Variants in DCBLD2 observed in about 807,000 individuals in gnomAD.
DCBLD2 encodes discoidin, CUB and LCCL domain containing 2.
A neutral mutation model predicts 86.8 loss-of-function variants in DCBLD2; 54 were observed. That is an observed-to-expected ratio of 0.62 (90% CI 0.50 to 0.78). DCBLD2 has a LOEUF of 0.78. Among genes scored for constraint, DCBLD2 ranks in the 30% least tolerant of loss-of-function variants. The pLI is 0.00. For missense variants in DCBLD2, 908 were observed against 954.2 expected, an observed-to-expected ratio of 0.95 and a Z score of 0.64; for synonymous variants, 354 against 341.3, an observed-to-expected ratio of 1.04 and a Z score of -0.41.
intron 1 of DCBLD2, among the ~76,000 whole-genome samples, chr3:98,884,733 C>CTTA (rs1482504524): frequency 1.3e-5 from 2 of 152,030 alleles, no homozygotes; most frequent in African/African-American, 4.8e-5. Context: ...AATGCACGTT[C>CTTA]TTTAGTAAAT....
chr3:98,859,234 G>A (rs1376963082), intron 2 of DCBLD2, among the ~76,000 whole-genome samples: 3 of 152,168 alleles, frequency 2.0e-5, no homozygotes, highest in East Asian at 3.9e-4. Context: ...CAGGAAGCTC[G>A]AACTGGGTGG....
intron 2 of DCBLD2, among the ~76,000 whole-genome samples, chr3:98,855,287 A>G (rs1942910939): frequency 1.3e-5 from 2 of 152,216 alleles, no homozygotes; most frequent in African/African-American, 4.8e-5. Context: ...TATGTATAAC[A>G]TGCCATCAGT....
Position 98,802,403 on chromosome 3 carries a change from G to GT in DCBLD2, c.1671-755dup, listed in dbSNP as rs943583413. ...CTTTCGCCCACTTGTTGATGGGGTT[G>GT]TTTTTTTTTCTTGTAAATTTGTTTG... On this transcript the variant is annotated intron_variant, in intron 13 of 15. Coordinates refer to ENST00000326840, the MANE Select transcript of DCBLD2 (RefSeq NM_080927.4). Among the ~76,000 whole-genome samples, 50 of 150,810 alleles carry GT rather than the reference G, an allele frequency of 3.3e-4. No individual in the cohort carries two copies. In the South Asian group the frequency reaches 6.9e-3, roughly 21 times the overall value.
chr3:98,806,787 G>A (rs984492543), intron 13 of DCBLD2, among the ~76,000 whole-genome samples: 2 of 152,064 alleles, frequency 1.3e-5, no homozygotes, highest in Non-Finnish European at 2.9e-5. Context: ...ACCTCTACTG[G>A]TCTAACTGCA....
At chr3:98,896,751 A>G (rs1576209868) in intron 1 of DCBLD2, among the ~76,000 whole-genome samples, 1 of 152,206 alleles carries the variant, frequency 6.6e-6, no homozygotes, top group Non-Finnish European at 1.5e-5. Flanking sequence ...TATAAAGAAA[A>G]CCGAATCCAG....
intron 2 of DCBLD2, among the ~76,000 whole-genome samples, chr3:98,872,936 A>C (rs1943305214): frequency 6.6e-6 from 1 of 152,134 alleles, no homozygotes; most frequent in African/African-American, 2.4e-5. Context: ...TTGGCTCATA[A>C]AGACCCAAAA....
chr3:98,892,149 C>A (rs1231600702), intron 1 of DCBLD2, among the ~76,000 whole-genome samples: 2 of 152,052 alleles, frequency 1.3e-5, no homozygotes, highest in African/African-American at 4.8e-5. Flanking sequence ...TCTAGACATG[C>A]CAGTTTTCAA....
At chr3:98,886,088 G>A (rs1187569957) in intron 1 of DCBLD2, among the ~76,000 whole-genome samples, 2 of 151,860 alleles carry the variant, frequency 1.3e-5, no homozygotes, top group African/African-American at 4.8e-5. Flanking sequence ...GGCCCAAAGG[G>A]TAATGCTGTT....
At chr3:98,850,482 A>G (rs574095009) in intron 2 of DCBLD2, among the ~76,000 whole-genome samples, 19 of 152,370 alleles carry the variant, frequency 1.2e-4, no homozygotes, top group Middle Eastern at 3.4e-3. Flanking sequence ...TATATAAAAA[A>G]TAACATATCC....
chr3:98,852,324 G>A (rs2107487576), intron 2 of DCBLD2, among the ~76,000 whole-genome samples: 1 of 151,124 alleles, frequency 6.6e-6, no homozygotes, highest in East Asian at 2.0e-4. Context: ...TTGGCTCACT[G>A]CAACCTCTGC....
intron 1 of DCBLD2, among the ~76,000 whole-genome samples, chr3:98,891,302 G>A (rs536130490): frequency 6.6e-6 from 1 of 151,700 alleles, no homozygotes; most frequent in East Asian, 1.9e-4. Context: ...TGAGAGAAGT[G>A]GAATGCAGGA....
At chr3:98,817,347 AT>A (rs1942040741) in intron 9 of DCBLD2, among the ~76,000 whole-genome samples, 1 of 152,190 alleles carries the variant, frequency 6.6e-6, no homozygotes, top group Admixed American at 6.5e-5. Flanking sequence ...CATCTCTAAT[AT>A]CCTATAATTT....
At position 98,901,342 on chromosome 3, in the gene DCBLD2, T is replaced by C. The variant is rs984512386; in HGVS notation, c.-16A>G. ...GGCTCGCCATCGCGGCGGCCGGCAGTCTGCCTGCATAGTGCGGGTGCCTCG... is the reference window on the plus strand; with the variant it reads ...GGCTCGCCATCGCGGCGGCCGGCAGCCTGCCTGCATAGTGCGGGTGCCTCG... On this transcript the variant is annotated 5_prime_UTR_variant, in exon 1 of 16. Coordinates refer to ENST00000326840, the MANE Select transcript of DCBLD2 (RefSeq NM_080927.4). The C allele has an allele frequency of 7.2e-7, 1 of 1,386,472 alleles. No individual in the cohort carries two copies. The highest frequency in any genetic ancestry group is 1.7e-5 in the South Asian group (1 of 59,582). The allele number at this position is 1,386,472 out of a possible 1,614,324, so 85.9% of individuals were successfully genotyped here. A position where few individuals can be genotyped will look rare whatever the true frequency, so the allele number is the denominator to read the frequency against.
In DCBLD2 at chr3:98,799,825, C is replaced by T. The variant is rs374199864; in HGVS notation, c.1875G>A (p.Leu625=). 35 of 1,611,202 alleles carry T rather than the reference C, an allele frequency of 2.2e-5. No homozygotes were observed. The highest frequency in any genetic ancestry group is 1.7e-4 in the Middle Eastern group (1 of 6,058). ...GAAGTGTACCAACAATTCCTCCTAC[C>T]AGTGGCTGAGCATACTCTGTGGATA... ...QADSAEYAQP[L]VGGIVGTLHQ... Residue 625 remains leucine (L), a synonymous_variant, in exon 16 of 16, where the codon CTG becomes CTA. Coordinates refer to ENST00000326840, the MANE Select transcript of DCBLD2 (RefSeq NM_080927.4).
At chr3:98,827,631 G>A (rs372230654) in intron 3 of DCBLD2, among the ~76,000 whole-genome samples, 2 of 152,318 alleles carry the variant, frequency 1.3e-5, no homozygotes, top group East Asian at 1.9e-4. Flanking sequence ...GCTACAAGGA[G>A]AGCCAAGAAG....
chr3:98,894,491 A>G (rs1943716376), intron 1 of DCBLD2, among the ~76,000 whole-genome samples: 1 of 152,198 alleles, frequency 6.6e-6, no homozygotes. Context: ...AGGATGACCC[A>G]TCTGAGGGGA....
intron 9 of DCBLD2, 166 bp from the exon 10 acceptor site, chr3:98,812,648 T>A: frequency 1.9e-6 from 1 of 530,752 alleles, no homozygotes. Flanking sequence ...TGGAAAAATA[T>A]TAAGATGCTG....
intron 12 of DCBLD2, 127 bp from the exon 13 acceptor site, chr3:98,808,301 A>G: frequency 5.1e-6 from 4 of 788,952 alleles, no homozygotes; most frequent in Non-Finnish European, 7.6e-6. Flanking sequence ...CATAAACATT[A>G]TTTGTCAAGA....
At chr3:98,821,487 G>A (rs1216329040) in intron 6 of DCBLD2, among the ~76,000 whole-genome samples, 1 of 152,074 alleles carries the variant, frequency 6.6e-6, no homozygotes, top group African/African-American at 2.4e-5. Context: ...TCACAATAAT[G>A]CTTATGATGT....
Sources: gnomAD v4.1 joint callset for allele counts (sites outside exome capture counted in the v4.1 genomes callset) on GRCh38, gnomAD v4.1.1 for gene constraint, MANE v1.5 for transcripts, NCBI Gene and HGNC (gene_info 2026-07-23, HGNC 2026-07-21) for gene names.